The following CMTM7 variants were observed in gnomAD, a reference collection of about 807,000 sequenced individuals.
CMTM7 encodes the protein CKLF-like MARVEL transmembrane domain-containing protein 7.
In CMTM7, 7 loss-of-function variants were observed where a neutral mutation model predicts 19.3. The observed-to-expected ratio is 0.36, with a 90% CI of 0.21 to 0.68. The LOEUF is 0.68. Ranked by LOEUF, CMTM7 falls within the 30% of genes least tolerant of loss-of-function variation. CMTM7 has a pLI of 0.60. For missense variants in CMTM7, 193 were observed against 232.6 expected, an observed-to-expected ratio of 0.83 and a Z score of 1.11; for synonymous variants, 87 against 99.3, an observed-to-expected ratio of 0.88 and a Z score of 0.74.
At chr3:32,435,833 A>G (rs1474733198) in intron 1 of CMTM7, among the ~76,000 whole-genome samples, 5 of 152,266 alleles carry the variant, frequency 3.3e-5, no homozygotes, top group Admixed American at 3.3e-4. Flanking sequence ...GATCTCTAAG[A>G]TGTATCATTT....
chr3:32,440,651 G>A (rs1011799528), intron 1 of CMTM7, among the ~76,000 whole-genome samples: 11 of 152,130 alleles, frequency 7.2e-5, no homozygotes, highest in East Asian at 1.9e-4. Context: ...GATGGCACAC[G>A]CCTGTAATCC....
At chr3:32,432,871 G>A (rs1696541360) in intron 1 of CMTM7, among the ~76,000 whole-genome samples, 1 of 152,136 alleles carries the variant, frequency 6.6e-6, no homozygotes, top group Admixed American at 6.5e-5. Flanking sequence ...TCCCCACATT[G>A]TGTCAGCTGC....
chr3:32,452,940 T>C (rs1393568039), intron 4 of CMTM7, among the ~76,000 whole-genome samples: 1 of 128,134 alleles, frequency 7.8e-6, no homozygotes, highest in Non-Finnish European at 1.7e-5. Flanking sequence ...TTTTTTTTTT[T>C]TTTTTTTTTT....
At chr3:32,403,939 C>G (rs1431913884) in intron 1 of CMTM7, among the ~76,000 whole-genome samples, 1 of 152,092 alleles carries the variant, frequency 6.6e-6, no homozygotes, top group East Asian at 1.9e-4. Flanking sequence ...AAACTCCTCA[C>G]TGGGGTATTG....
intron 1 of CMTM7, among the ~76,000 whole-genome samples, chr3:32,401,591 T>G (rs915968322): frequency 2.0e-5 from 3 of 152,260 alleles, no homozygotes; most frequent in Admixed American, 6.5e-5. Flanking sequence ...TCTGTCTTCC[T>G]GCCAGCCCTG....
chr3:32,420,807 G>A (rs1309941356), intron 1 of CMTM7, among the ~76,000 whole-genome samples: 1 of 152,260 alleles, frequency 6.6e-6, no homozygotes, highest in Admixed American at 6.5e-5. Flanking sequence ...GAGGGGGCCA[G>A]CTAATGGCCT....
At chr3:32,395,134 G>C (rs909327637) in intron 1 of CMTM7, among the ~76,000 whole-genome samples, 4 of 151,988 alleles carry the variant, frequency 2.6e-5, no homozygotes, top group African/African-American at 9.7e-5. Flanking sequence ...CTCCCGAGTA[G>C]CTGGGACTAT....
At chr3:32,445,510 G>GT (rs368787368) in intron 2 of CMTM7, among the ~76,000 whole-genome samples, 26 of 151,372 alleles carry the variant, frequency 1.7e-4, no homozygotes, top group Admixed American at 3.3e-4. Flanking sequence ...ATTGTTTTTT[G>GT]TTTTTTTTGT....
intron 2 of CMTM7, among the ~76,000 whole-genome samples, chr3:32,448,292 G>A (rs995961963): frequency 6.6e-6 from 1 of 152,202 alleles, no homozygotes; most frequent in Non-Finnish European, 1.5e-5. Flanking sequence ...TAAAATCTCT[G>A]TGATCTATCT....
chr3:32,435,135 G>A (rs146054910), intron 1 of CMTM7, among the ~76,000 whole-genome samples: 1 of 152,292 alleles, frequency 6.6e-6, no homozygotes, highest in East Asian at 1.9e-4. Context: ...CAGGCACGGT[G>A]GCTCACGCCT....
Position 32,454,429 on chromosome 3 carries a change from C to A in CMTM7, c.*175C>A. The stretch of plus-strand genomic sequence containing the variant: ...GAAGCCAGCTCCCTGAGCTCCTGAG[C>A]CAGCCGGAAACTCTTCCTCCAGCCT... On this transcript the variant is annotated 3_prime_UTR_variant, in exon 5 of 5. Transcript: ENST00000334983. 1 of 776,756 alleles carries A rather than the reference C, an allele frequency of 1.3e-6. No individual in the cohort carries two copies. Among genetic ancestry groups the A allele is most frequent in the Non-Finnish European group, 2.2e-6 (1 of 445,470 alleles). 48.1% of individuals were successfully genotyped at this position (776,756 alleles called of 1,614,324 possible).
chr3:32,440,967 TATTA>T (rs891577585), intron 1 of CMTM7, among the ~76,000 whole-genome samples: 3 of 152,232 alleles, frequency 2.0e-5, no homozygotes, highest in African/African-American at 7.2e-5. Context: ...TTCATCTGGT[TATTA>T]ATTCAGTAGC....
chr3:32,433,459 C>T (rs938488061), intron 1 of CMTM7, among the ~76,000 whole-genome samples: 1 of 152,158 alleles, frequency 6.6e-6, no homozygotes, highest in Non-Finnish European at 1.5e-5. Flanking sequence ...AACCTGAATC[C>T]CTACATCACA....
At chr3:32,451,639 G>C in intron 3 of CMTM7, 1 of 186,902 alleles carries the variant, frequency 5.4e-6, no homozygotes, top group Non-Finnish European at 1.1e-5. Flanking sequence ...TGCCGGTGTT[G>C]TTCACAAGCA....
intron 1 of CMTM7, among the ~76,000 whole-genome samples, chr3:32,395,611 G>A (rs1456853684): frequency 6.6e-6 from 1 of 152,142 alleles, no homozygotes; most frequent in Non-Finnish European, 1.5e-5. Context: ...TCACACCCAC[G>A]GAGATGACAA....
At chr3:32,398,775 GGAGTTTGA>G (rs1270571323) in intron 1 of CMTM7, among the ~76,000 whole-genome samples, 2 of 151,944 alleles carry the variant, frequency 1.3e-5, no homozygotes, top group Non-Finnish European at 2.9e-5. Context: ...CTTGAGCCCA[GGAGTTTGA>G]GACCATCCTG....
chr3:32,429,640 G>A lies in CMTM7; in HGVS notation c.160-12200G>A, dbSNP rs1209672262. 2.8e-5 allele frequency among the ~76,000 whole-genome samples: 4 copies of A among 140,918 alleles called. No individual in the cohort carries two copies. In the South Asian group the frequency reaches 6.8e-4, roughly 24 times the overall value. 92.4% of individuals were successfully genotyped at this position (140,918 alleles called of 152,430 possible). On this transcript the variant is annotated intron_variant, in intron 1 of 4. Coordinates refer to ENST00000334983, the MANE Select transcript of CMTM7 (RefSeq NM_138410.4). ...TTTTGAGACGGAGTCTCACTCTGTC[G>A]CCCAGGCTGGAGTGCAGTGGCGCGA...
intron 1 of CMTM7, among the ~76,000 whole-genome samples, chr3:32,426,160 A>G (rs1559408867): frequency 6.6e-6 from 1 of 152,080 alleles, no homozygotes; most frequent in Non-Finnish European, 1.5e-5. Flanking sequence ...AAAACAAAAA[A>G]ACAAAACAAA....
At chr3:32,409,118 T>C (rs1391259225) in intron 1 of CMTM7, among the ~76,000 whole-genome samples, 1 of 152,146 alleles carries the variant, frequency 6.6e-6, no homozygotes, top group Non-Finnish European at 1.5e-5. Context: ...CTTTCCCTCA[T>C]GATACGCCCG....
Sources: allele counts gnomAD v4.1 joint callset (sites outside exome capture counted in the v4.1 genomes callset), GRCh38; gene constraint gnomAD v4.1.1; transcripts MANE v1.5; gene names NCBI Gene and HGNC (gene_info 2026-07-23, HGNC 2026-07-21).